Variants in EIF4G3 observed in about 807,000 individuals in gnomAD.
EIF4G3 encodes the protein eukaryotic translation initiation factor 4 gamma 3, also known as eIF-4-gamma 3.
EIF4G3 carries 34 observed loss-of-function variants against 186.4 expected under a neutral mutation model. The ratio of observed to expected loss-of-function variants is 0.18; its 90% CI spans 0.14 to 0.24. The LOEUF (loss-of-function observed/expected upper bound fraction) is 0.24. Ranked by LOEUF, EIF4G3 falls within the 10% of genes least tolerant of loss-of-function variation. EIF4G3 has a pLI of 1.00. For synonymous variants in EIF4G3, 673 were observed against 679.5 expected (o/e 0.99, Z 0.15); for missense variants, 1,536 against 1,948.5 (o/e 0.79, Z 3.99).
intron 2 of EIF4G3, among the ~76,000 whole-genome samples, chr1:21,117,819 T>C (rs2096855721): frequency 2.0e-5 from 3 of 150,738 alleles, no homozygotes; most frequent in Non-Finnish European, 4.4e-5. Flanking sequence ...TCTCCTCAGC[T>C]GCCTGGCTAC....
intron 33 of EIF4G3, 61 bp downstream of exon 33, chr1:20,825,039 C>A (rs1400193201): frequency 1.1e-5 from 12 of 1,083,860 alleles, no homozygotes; most frequent in Admixed American, 7.1e-5. Context: ...AAATTACCTT[C>A]ACTTCCTCTA....
At chr1:20,965,702 T>C (rs1447405610) in intron 12 of EIF4G3, among the ~76,000 whole-genome samples, 1 of 68,516 alleles carries the variant, frequency 1.5e-5, no homozygotes, top group Non-Finnish European at 4.1e-5. Flanking sequence ...GGTGTCTCTG[T>C]GGTAAAGCCT....
chr1:21,042,904 A>G (rs17418123), intron 4 of EIF4G3, among the ~76,000 whole-genome samples: 4,182 of 152,342 alleles, frequency 0.027, 86 homozygotes, highest in Non-Finnish European at 0.038. Context: ...GACACATGCT[A>G]ATCTCTGCAG....
intron 6 of EIF4G3, chr1:20,999,754 T>C: frequency 2.2e-6 from 1 of 454,808 alleles, no homozygotes; most frequent in South Asian, 1.6e-5. Flanking sequence ...GAAATGACAA[T>C]AGTCTTAATC....
intron 15 of EIF4G3, among the ~76,000 whole-genome samples, chr1:20,902,046 C>A: frequency 6.6e-6 from 1 of 151,868 alleles, no homozygotes; most frequent in East Asian, 1.9e-4. Context: ...CATCCTTCAT[C>A]CTTACTTTTC....
intron 14 of EIF4G3, among the ~76,000 whole-genome samples, chr1:20,908,872 G>A (rs1183597698): frequency 6.6e-6 from 1 of 152,106 alleles, no homozygotes; most frequent in African/African-American, 2.4e-5. Context: ...TATGGAGGCT[G>A]GGCGCAGTGG....
chr1:20,944,562 C>T (rs1184743390), intron 13 of EIF4G3, among the ~76,000 whole-genome samples: 4 of 118,790 alleles, frequency 3.4e-5, no homozygotes, highest in Admixed American at 9.3e-5. Flanking sequence ...AGAGGGGGAG[C>T]GGGGTGGGGG....
At chr1:21,080,824 C>T (rs187387178) in intron 3 of EIF4G3, among the ~76,000 whole-genome samples, 3 of 152,146 alleles carry the variant, frequency 2.0e-5, no homozygotes, top group African/African-American at 7.2e-5. Context: ...TTTTCATAAG[C>T]AGTTACTAAG....
At chr1:20,822,889 T>C (rs2062759381) in intron 33 of EIF4G3, among the ~76,000 whole-genome samples, 1 of 152,200 alleles carries the variant, frequency 6.6e-6, no homozygotes, top group Admixed American at 6.5e-5. Context: ...TGTTGTTAAG[T>C]TTCTCAGTAT....
chr1:20,968,180 T>TG (rs1157046789), intron 12 of EIF4G3, among the ~76,000 whole-genome samples: 2 of 151,910 alleles, frequency 1.3e-5, no homozygotes, highest in Admixed American at 1.3e-4. Flanking sequence ...CAAATCTTTT[T>TG]TTTTTTTTTT....
intron 4 of EIF4G3, among the ~76,000 whole-genome samples, chr1:21,041,241 C>T (rs572101632): frequency 6.6e-5 from 10 of 152,194 alleles, no homozygotes; most frequent in Admixed American, 6.5e-5. Context: ...AGATTACCTC[C>T]GCATCCTCCT....
intron 14 of EIF4G3, among the ~76,000 whole-genome samples, chr1:20,907,429 T>C (rs1329995434): frequency 6.6e-6 from 1 of 152,142 alleles, no homozygotes; most frequent in East Asian, 1.9e-4. Context: ...TTAGGGTACA[T>C]GTGCACAACC....
chr1:20,836,610 T>G (rs759604831), intron 30 of EIF4G3, among the ~76,000 whole-genome samples: 94 of 152,144 alleles, frequency 6.2e-4, no homozygotes, highest in Non-Finnish European at 1.2e-3. Flanking sequence ...AGAAAAGTAT[T>G]CAAGGAAGAG....
chr1:21,033,478 G>A (rs66809210), intron 4 of EIF4G3, among the ~76,000 whole-genome samples: 4,163 of 151,802 alleles, frequency 0.027, 87 homozygotes, highest in Non-Finnish European at 0.038. Context: ...AGTTAAATAC[G>A]CCAAAGCTAC....
chr1:21,029,934 G>A (rs2092584080), intron 4 of EIF4G3, among the ~76,000 whole-genome samples: 1 of 152,054 alleles, frequency 6.6e-6, no homozygotes, highest in Non-Finnish European at 1.5e-5. Flanking sequence ...ATGCTGCAGT[G>A]AGCCATGAAC....
chr1:21,154,952 C>T (rs2097617541), intron 2 of EIF4G3, among the ~76,000 whole-genome samples: 2 of 151,970 alleles, frequency 1.3e-5, no homozygotes, highest in African/African-American at 4.8e-5. Context: ...AAACTGAAAC[C>T]AGAAATATAT....
chr1:21,036,753 C>T (rs528592403), intron 4 of EIF4G3, among the ~76,000 whole-genome samples: 1 of 152,134 alleles, frequency 6.6e-6, no homozygotes, highest in African/African-American at 2.4e-5. Flanking sequence ...TGGTGGCATG[C>T]ACCTATAGTC....
chr1:20,848,775 T>C (rs556609525), intron 29 of EIF4G3, among the ~76,000 whole-genome samples: 84 of 151,390 alleles, frequency 5.5e-4, no homozygotes, highest in South Asian at 1.5e-3. Flanking sequence ...AGGCCAGGTG[T>C]GGTGGCTCAC....
chr1:21,097,000 A>G (rs973916780), intron 2 of EIF4G3, among the ~76,000 whole-genome samples: 4 of 152,238 alleles, frequency 2.6e-5, no homozygotes, highest in African/African-American at 9.6e-5. Flanking sequence ...AATTTACTTA[A>G]TGCCACAGAA....
Sources: gnomAD v4.1 joint callset for allele counts (sites outside exome capture counted in the v4.1 genomes callset) on GRCh38, gnomAD v4.1.1 for gene constraint, MANE v1.5 for transcripts, NCBI Gene and HGNC (gene_info 2026-07-23, HGNC 2026-07-21) for gene names.